STK32B: variants seen among roughly 807,000 people sequenced by gnomAD.
STK32B encodes the protein serine/threonine kinase 32B, also known as serine/threonine-protein kinase 32B.
In STK32B, 43 loss-of-function variants were observed where a neutral mutation model predicts 52.6. That is an observed-to-expected ratio of 0.82 (90% CI 0.64 to 1.05). The LOEUF (loss-of-function observed/expected upper bound fraction) is 1.05, where lower values mean the gene tolerates loss of function less well. Among genes scored for constraint, STK32B ranks in the 50% least tolerant of loss-of-function variants. The pLI, the probability that STK32B is intolerant of heterozygous loss-of-function variation, is 0.00. For missense variants in STK32B, 621 were observed against 534.6 expected (o/e 1.16, Z -1.59); for synonymous variants, 238 against 204.3 (o/e 1.17, Z -1.41).
At chr4:5,203,909 T>C (rs1722352464) in intron 3 of STK32B, among the ~76,000 whole-genome samples, 1 of 152,188 alleles carries the variant, frequency 6.6e-6, no homozygotes, top group African/African-American at 2.4e-5. Context: ...CCATAGCCAG[T>C]GACTGGTGGG....
chr4:5,040,360 G>A, the STK32B span, among the ~76,000 whole-genome samples: 1 of 150,270 alleles, frequency 6.7e-6, no homozygotes, highest in African/African-American at 2.5e-5. Flanking sequence ...ACTTCTCTCA[G>A]TGCACATGAT....
chr4:5,229,685 T>G (rs1724120588), intron 3 of STK32B, among the ~76,000 whole-genome samples: 1 of 152,196 alleles, frequency 6.6e-6, no homozygotes, highest in African/African-American at 2.4e-5. Flanking sequence ...TAAAATGTAT[T>G]AAATTATAGA....
chr4:5,087,284 T>A (rs1712784014), intron 1 of STK32B, among the ~76,000 whole-genome samples: 1 of 151,798 alleles, frequency 6.6e-6, no homozygotes, highest in Admixed American at 6.6e-5. Context: ...GGGCAATCAC[T>A]ACAAAAAATA....
At chr4:5,253,413 C>T (rs889866352) in intron 3 of STK32B, among the ~76,000 whole-genome samples, 1 of 152,142 alleles carries the variant, frequency 6.6e-6, no homozygotes, top group Non-Finnish European at 1.5e-5. Context: ...CTGACTCTGT[C>T]ACCCAGACTG....
At chr4:5,468,711 C>G (rs1560440634) in intron 11 of STK32B, among the ~76,000 whole-genome samples, 1 of 152,142 alleles carries the variant, frequency 6.6e-6, no homozygotes, top group Non-Finnish European at 1.5e-5. Flanking sequence ...GGACTGCCCT[C>G]TAAGGGGCTG....
intron 3 of STK32B, among the ~76,000 whole-genome samples, chr4:5,276,199 G>T (rs1025124423): frequency 2.6e-5 from 4 of 152,000 alleles, no homozygotes; most frequent in African/African-American, 9.7e-5. Context: ...TTAGGCAGGA[G>T]AATCACTTGA....
At chr4:5,329,505 C>T (rs1427949827) in intron 3 of STK32B, among the ~76,000 whole-genome samples, 1 of 152,186 alleles carries the variant, frequency 6.6e-6, no homozygotes, top group Admixed American at 6.5e-5. Flanking sequence ...CTCCCACCCA[C>T]CTTCACCTGC....
chr4:5,193,002 G>A (rs991826993), intron 3 of STK32B, among the ~76,000 whole-genome samples: 1 of 152,172 alleles, frequency 6.6e-6, no homozygotes, highest in Non-Finnish European at 1.5e-5. Context: ...TGTCGGCAAT[G>A]GGGGGATGGT....
intron 3 of STK32B, among the ~76,000 whole-genome samples, chr4:5,288,068 T>TTA: frequency 6.6e-6 from 1 of 152,348 alleles, no homozygotes; most frequent in East Asian, 1.9e-4. Context: ...TTCACCCATG[T>TTA]TATAGCATGT....
At chr4:5,104,893 T>C (rs1714014484) in intron 1 of STK32B, among the ~76,000 whole-genome samples, 1 of 152,246 alleles carries the variant, frequency 6.6e-6, no homozygotes, top group African/African-American at 2.4e-5. Flanking sequence ...AGGACTATAC[T>C]ACATTATATT....
chr4:5,051,855 C>T lies in STK32B; in HGVS notation c.-9C>T. ...GCCGGGCATGTAGCAGCGGCAGCAACGGCGGAATATGGGCGGGAACCACTC... is the reference window on the plus strand; with the variant it reads ...GCCGGGCATGTAGCAGCGGCAGCAATGGCGGAATATGGGCGGGAACCACTC... On this transcript the variant is annotated 5_prime_UTR_variant, in exon 1 of 12. In the 5' UTR this introduces an upstream ATG that the reference lacks. Transcript: ENST00000282908. The T allele has an allele frequency of 6.3e-7, 1 of 1,595,682 alleles. No individual in the cohort carries two copies. Among genetic ancestry groups the T allele is most frequent in the Non-Finnish European group, 8.5e-7 (1 of 1,171,870 alleles).
intron 1 of STK32B, among the ~76,000 whole-genome samples, chr4:5,123,052 A>AC (rs1344635667): frequency 6.6e-6 from 1 of 151,484 alleles, no homozygotes; most frequent in African/African-American, 2.4e-5. Context: ...CTTCTTTATC[A>AC]CCACAGCTGC....
At chr4:5,041,778 T>C in the STK32B span, among the ~76,000 whole-genome samples, 18 of 150,076 alleles carry the variant, frequency 1.2e-4, no homozygotes, top group African/African-American at 4.2e-4. Flanking sequence ...ATTTCTTATC[T>C]TGGTGTGCCA....
chr4:5,441,727 T>G (rs1293279755), intron 6 of STK32B, among the ~76,000 whole-genome samples: 2 of 151,128 alleles, frequency 1.3e-5, no homozygotes, highest in African/African-American at 4.9e-5. Flanking sequence ...TCCTGCTTTC[T>G]CTTGTGGGCA....
At chr4:5,384,708 G>T (rs999146291) in intron 4 of STK32B, among the ~76,000 whole-genome samples, 5 of 152,174 alleles carry the variant, frequency 3.3e-5, no homozygotes, top group Non-Finnish European at 7.4e-5. Context: ...TGGAGTGTGG[G>T]CTGGGGAAGT....
intron 3 of STK32B, among the ~76,000 whole-genome samples, chr4:5,266,983 C>T (rs1290304204): frequency 6.6e-6 from 1 of 151,640 alleles, no homozygotes; most frequent in Non-Finnish European, 1.5e-5. Context: ...AAATAAAGGC[C>T]AACCAGAGGG....
chr4:5,243,782 G>A (rs1725226568), intron 3 of STK32B, among the ~76,000 whole-genome samples: 1 of 152,054 alleles, frequency 6.6e-6, no homozygotes, highest in African/African-American at 2.4e-5. Context: ...AGAGTTTTTA[G>A]CATGAAGGGT....
At chr4:5,305,464 C>T (rs1729863607) in intron 3 of STK32B, among the ~76,000 whole-genome samples, 2 of 151,814 alleles carry the variant, frequency 1.3e-5, no homozygotes, top group Admixed American at 6.6e-5. Context: ...CAGGAATCTC[C>T]TCTAGGTTTT....
rs1451887902 is a variant in STK32B at position 5,396,198 on chromosome 4, C to T, written c.435-2009C>T. Among the ~76,000 whole-genome samples, 1 of 152,214 alleles carries T rather than the reference C, an allele frequency of 6.6e-6. No individual in the cohort carries two copies. Among genetic ancestry groups the T allele is most frequent in the Non-Finnish European group, 1.5e-5 (1 of 68,046 alleles). On this transcript the variant is annotated intron_variant, in intron 4 of 11. Transcript: ENST00000282908. The surrounding 1 kb of genome is among the most constrained non-coding windows in gnomAD (Gnocchi z 4.7). ...TCAAAGAGGAGTCATGGCTGTGCTT[C>T]CTCTGGAGGTTCAGGAGAGAATCCG...
Sources: allele counts gnomAD v4.1 joint callset (sites outside exome capture counted in the v4.1 genomes callset), GRCh38; gene constraint gnomAD v4.1.1; non-coding constraint Gnocchi (gnomAD v3.1); transcripts MANE v1.5; gene names NCBI Gene and HGNC (gene_info 2026-07-23, HGNC 2026-07-21).